Variants in HDLBP observed in about 807,000 individuals in gnomAD.
The protein encoded by HDLBP is high density lipoprotein binding protein.
A neutral mutation model predicts 137.3 loss-of-function variants in HDLBP; 30 were observed. That is an observed-to-expected ratio of 0.22 (90% CI 0.16 to 0.30). HDLBP has a LOEUF of 0.30. HDLBP is among the 10% of genes least tolerant of loss of function. HDLBP has a pLI of 1.00. For missense variants in HDLBP, 1,119 were observed against 1,667.3 expected (o/e 0.67, Z 5.73); for synonymous variants, 606 against 596.0 (o/e 1.02, Z -0.24).
chr2:241,253,524 C>A, intron 9 of HDLBP, 27 bp from the exon 10 acceptor site: 1 of 1,516,730 alleles, frequency 6.6e-7, no homozygotes. Flanking sequence ...AAAGAGATAG[C>A]TAAAACAGAA....
In HDLBP at chr2:241,248,241, T is replaced by C. The variant is rs2071835137; in HGVS notation, c.1617+3A>G. The C allele has an allele frequency of 2.5e-6, 4 of 1,610,538 alleles. No homozygotes were observed. The East Asian group carries it at 6.7e-5, about 27-fold the overall frequency. On this transcript the variant is annotated splice_donor_region_variant and intron_variant, in intron 13 of 27. Transcript: ENST00000310931. ...GTTACAGAATGTCTCTGGGAAACTT[T>C]ACCTCTGGGAATTTGTCACGAATTT... is the stretch of plus-strand genomic sequence containing the variant.
intron 5 of HDLBP, among the ~76,000 whole-genome samples, chr2:241,261,758 C>G (rs567993740): frequency 6.6e-6 from 1 of 152,188 alleles, no homozygotes; most frequent in Non-Finnish European, 1.5e-5. Context: ...TGTCCCGATG[C>G]CCCCATGTGG....
chr2:241,302,521 C>A (rs768360106), intron 1 of HDLBP: 1 of 152,220 alleles, frequency 6.6e-6, no homozygotes, highest in Non-Finnish European at 1.5e-5. Context: ...CCAGCCTGGG[C>A]GACAGACTGA....
chr2:241,282,388 T>C (rs1289659691), intron 1 of HDLBP, among the ~76,000 whole-genome samples: 1 of 152,190 alleles, frequency 6.6e-6, no homozygotes, highest in African/African-American at 2.4e-5. Context: ...GAATAATTGG[T>C]GTGGTCTCTT....
In HDLBP at chr2:241,268,509, C is replaced by G. The variant is rs2073843040; in HGVS notation, c.-70G>C. ...ACGGTCAGTAGCCAGAAGGTCCGTC[C>G]TGAGGCCGCCTCTGTCAGCCTGCCA... is the stretch of plus-strand genomic sequence containing the variant. On this transcript the variant is annotated 5_prime_UTR_variant, in exon 2 of 28. Coordinates refer to ENST00000310931, the MANE Select transcript of HDLBP (RefSeq NM_005336.6). 14 of 985,892 alleles carry G rather than the reference C, an allele frequency of 1.4e-5. No homozygotes were observed. The highest frequency in any genetic ancestry group is 1.7e-5 in the Non-Finnish European group (14 of 829,942). The allele number at this position is 985,892 out of a possible 1,614,324, so 61.1% of individuals were successfully genotyped here. A position where few individuals can be genotyped will look rare whatever the true frequency, so the allele number is the denominator to read the frequency against.
In HDLBP at chr2:241,249,870, G is replaced by A. The variant is rs1420844409; in HGVS notation, c.1483C>T (p.Arg495Ter). The A allele has an allele frequency of 6.2e-7, 1 of 1,612,422 alleles. No homozygotes were observed. Residue 495 changes from arginine (R) to a stop codon, truncating the protein, a stop_gained, in exon 12 of 28, where the codon CGA (arginine) becomes TGA (stop). Coordinates refer to ENST00000310931, the MANE Select transcript of HDLBP (RefSeq NM_005336.6). LOFTEE classifies it high-confidence loss of function. ...GDPQGVQQAK[R>*]ELLELASRME... ...CGAGATGCAAGCTCCAGCAGCTCTCGCTTGGCCTGCTGCACGCCCTGTGGG... is the reference window on the plus strand; with the variant it reads ...CGAGATGCAAGCTCCAGCAGCTCTCACTTGGCCTGCTGCACGCCCTGTGGG...
rs776362305 is a variant in HDLBP at position 241,247,065 on chromosome 2, G to C, written c.1809C>G (p.Asn603Lys). The change falls in exon 15 of 28, where the codon AAC becomes AAG. Residue 603 changes from asparagine (N) to lysine (K), a missense_variant. Physicochemically the swap from Asn to Lys is moderately conservative, Grantham distance 94 (BLOSUM62 0). Around this residue, in one of 4 missense-constraint regions of HDLBP, gnomAD observed 425 missense variants for 693.9 expected, o/e 0.61. Coordinates refer to ENST00000310931, the MANE Select transcript of HDLBP (RefSeq NM_005336.6). ...GCGGACAAGTTATCACCTTTTTAATGTTTGCGCCTCCTTTCCCAATGATAT... is the reference window on the plus strand; with the variant it reads ...GCGGACAAGTTATCACCTTTTTAATCTTTGCGCCTCCTTTCCCAATGATAT... ...HKNIIGKGGA[N>K]IKKIREESNT... is the part of the protein sequence containing the mutation. 6.2e-7 allele frequency: 1 copy of C among 1,610,990 alleles called. No homozygotes were observed. The highest frequency in any genetic ancestry group is 1.1e-5 in the South Asian group (1 of 91,030).
chr2:241,301,323 C>T (rs2075390067), intron 1 of HDLBP, among the ~76,000 whole-genome samples: 1 of 151,966 alleles, frequency 6.6e-6, no homozygotes, highest in Non-Finnish European at 1.5e-5. Context: ...TATAAGACCA[C>T]CTAATCGTCT....
chr2:241,300,564 T>C (rs748744115), intron 1 of HDLBP, among the ~76,000 whole-genome samples: 10 of 152,188 alleles, frequency 6.6e-5, no homozygotes, highest in Non-Finnish European at 1.5e-4. Flanking sequence ...AGAATCCTAA[T>C]GCATGCCAAA....
intron 1 of HDLBP, among the ~76,000 whole-genome samples, chr2:241,284,605 A>G (rs1185181575): frequency 6.6e-6 from 1 of 152,266 alleles, no homozygotes; most frequent in Non-Finnish European, 1.5e-5. Context: ...GCAGTGTTTG[A>G]GAGGATTGAG....
Position 241,246,708 on chromosome 2 carries a change from G to C in HDLBP, c.1950+44C>G, listed in dbSNP as rs750132823. 3.8e-6 allele frequency: 6 copies of C among 1,593,374 alleles called. No homozygotes were observed. In the South Asian group the frequency reaches 5.6e-5, roughly 15 times the overall value. On this transcript the variant is annotated intron_variant, in intron 16 of 27. Coordinates refer to ENST00000310931, the MANE Select transcript of HDLBP (RefSeq NM_005336.6). ...CCAGGCTCAATCTTAGAGGCTGTTAGAGATTTTACTGGAGGATCTCCATTA... is the reference window on the plus strand; with the variant it reads ...CCAGGCTCAATCTTAGAGGCTGTTACAGATTTTACTGGAGGATCTCCATTA...
At chr2:241,293,112 T>C (rs1575034639) in intron 1 of HDLBP, among the ~76,000 whole-genome samples, 1 of 152,288 alleles carries the variant, frequency 6.6e-6, no homozygotes, top group East Asian at 1.9e-4. Context: ...ATCAAACTTG[T>C]AAACTTTATT....
At chr2:241,246,586 G>GC in intron 16 of HDLBP, 166 bp downstream of exon 16, 1 of 664,362 alleles carries the variant, frequency 1.5e-6, no homozygotes, top group Non-Finnish European at 2.6e-6. Flanking sequence ...AGAGACAAAG[G>GC]CAGAAAACTG....
At chr2:241,281,350 G>A (rs553416390) in intron 1 of HDLBP, among the ~76,000 whole-genome samples, 8 of 150,484 alleles carry the variant, frequency 5.3e-5, no homozygotes, top group African/African-American at 9.8e-5. Context: ...GTGAAACTCC[G>A]TCTTAAAAAT....
rs553420716 is a variant in HDLBP, at chr2:241,278,462, A to C, written c.-102-9921T>G. ...GCCGGGCATGGTGGCACATGCCTGT[A>C]CTCCCAGCTACTTGGGAGGCTGAGG... is the stretch of plus-strand genomic sequence containing the variant. On this transcript the variant is annotated intron_variant, in intron 1 of 27. Transcript: ENST00000310931. Among the ~76,000 whole-genome samples the C allele has an allele frequency of 3.9e-5, 6 of 152,096 alleles. No homozygotes were observed. The South Asian group carries it at 1.0e-3, about 26-fold the overall frequency.
In HDLBP at chr2:241,233,752, T is replaced by C; in HGVS notation, c.3288+68A>G. 6.3e-7 allele frequency: 1 copy of C among 1,588,636 alleles called. No homozygotes were observed. The highest frequency in any genetic ancestry group is 8.6e-7 in the Non-Finnish European group (1 of 1,160,762). ...CCCCCATCTAGGCACATCTGGTTAC[T>C]GCTCCCAAGTCACAGGAAAGGTCAA... On this transcript the variant is annotated intron_variant, in intron 24 of 27. Coordinates refer to ENST00000310931, the MANE Select transcript of HDLBP (RefSeq NM_005336.6). This position sits in a 1 kb window ranked among gnomAD's most constrained non-coding sequence, Gnocchi z 4.3.
intron 1 of HDLBP, among the ~76,000 whole-genome samples, chr2:241,273,867 G>A (rs1333645669): frequency 6.8e-6 from 1 of 147,312 alleles, no homozygotes; most frequent in South Asian, 2.1e-4. Flanking sequence ...TTTTTTTTTC[G>A]TGGAACACTG....
chr2:241,248,772 A>C (rs1423611877), intron 12 of HDLBP, among the ~76,000 whole-genome samples: 1 of 152,080 alleles, frequency 6.6e-6, no homozygotes, highest in Non-Finnish European at 1.5e-5. Context: ...TTCTGAACAG[A>C]GGGTGGCTCG....
chr2:241,274,278 C>T (rs2074308576), intron 1 of HDLBP, among the ~76,000 whole-genome samples: 1 of 152,134 alleles, frequency 6.6e-6, no homozygotes. Flanking sequence ...AGCAGAATCA[C>T]AGAAGGCAGA....
Sources: gnomAD v4.1 joint callset for allele counts (sites outside exome capture counted in the v4.1 genomes callset) on GRCh38, gnomAD v4.1.1 for gene constraint, gnomAD v4.1.1 regional missense constraint, Gnocchi (gnomAD v3.1) non-coding constraint, MANE v1.5 for transcripts, NCBI Gene and HGNC (gene_info 2026-07-23, HGNC 2026-07-21) for gene names.